ADAP1: variants seen among roughly 807,000 people sequenced by gnomAD.
ADAP1 encodes the protein ArfGAP with dual PH domains 1, also known as arf-GAP with dual PH domain-containing protein 1.
A neutral mutation model predicts 54.9 loss-of-function variants in ADAP1; 31 were observed. The ratio of observed to expected loss-of-function variants is 0.56; its 90% CI spans 0.42 to 0.76. The LOEUF (loss-of-function observed/expected upper bound fraction) is 0.76. ADAP1 is among the 30% of genes least tolerant of loss of function. The pLI is 0.00. For synonymous variants in ADAP1, 313 were observed against 202.6 expected (o/e 1.55, Z -4.63); for missense variants, 535 against 512.4 (o/e 1.04, Z -0.42).
intron 1 of ADAP1, among the ~76,000 whole-genome samples, chr7:939,700 G>A (rs188789445): frequency 0.017 from 2,597 of 151,896 alleles, 92 homozygotes; most frequent in African/African-American, 0.06. Context: ...GCGTGGTGGC[G>A]GGTGCCTGTA....
At position 920,011 on chromosome 7, in the gene ADAP1, T is replaced by C; in HGVS notation, c.345A>G (p.Arg115=). The C allele has an allele frequency of 6.2e-7, 1 of 1,607,556 alleles. No individual in the cohort carries two copies. Among genetic ancestry groups the C allele is most frequent in the Admixed American group, 1.7e-5 (1 of 59,902 alleles). The part of the protein sequence containing the change: ...REQWIRAKYE[R]QEFIYPEKQE... ...GCTTCTCCGGGTAGATGAACTCCTG[T>C]CGCTCGTACTTGGCCCGGATCCACT... The change falls in exon 4 of 11, where the codon CGA becomes CGG. Residue 115 remains arginine, a synonymous_variant. Coordinates refer to ENST00000265846, the MANE Select transcript of ADAP1 (RefSeq NM_006869.4). This position sits in a 1 kb window ranked among gnomAD's most constrained non-coding sequence, Gnocchi z 4.5.
Position 926,360 on chromosome 7 carries a change from G to GCCCCCCA in ADAP1, c.305+192_305+193insTGGGGGG, listed in dbSNP as rs55796148. ...TCCCAGCCCCACCCCAGCGCCCCCC[G>GCCCCCCA]CCCCAGAACCAAAGCCCGGTGGTGG... On this transcript the variant is annotated intron_variant, in intron 3 of 10. Coordinates refer to ENST00000265846, the MANE Select transcript of ADAP1 (RefSeq NM_006869.4). The surrounding 1 kb of genome is among the most constrained non-coding windows in gnomAD (Gnocchi z 4.6). Among the ~76,000 whole-genome samples, 1 of 150,344 alleles carries GCCCCCCA rather than the reference G, an allele frequency of 6.7e-6. No homozygotes were observed. The highest frequency in any genetic ancestry group is 1.5e-5 in the Non-Finnish European group (1 of 67,436).
At chr7:935,086 C>T (rs1846707620) in intron 2 of ADAP1, 11 of 558,156 alleles carry the variant, frequency 2.0e-5, no homozygotes, top group Non-Finnish European at 3.8e-5. Context: ...GGGAGCACTC[C>T]GGAGCTCCCA....
intron 2 of ADAP1, among the ~76,000 whole-genome samples, chr7:928,670 C>A (rs1846467148): frequency 1.3e-5 from 2 of 152,220 alleles, no homozygotes; most frequent in Admixed American, 6.5e-5. Flanking sequence ...TACCACCTCT[C>A]CCCACTAGGA....
chr7:910,000 C>T (rs1845656258), intron 4 of ADAP1, among the ~76,000 whole-genome samples: 1 of 152,210 alleles, frequency 6.6e-6, no homozygotes, highest in Non-Finnish European at 1.5e-5. Flanking sequence ...CTGCCCACCG[C>T]ACGGCTAAGA....
chr7:942,753 G>A (rs1271886900), intron 1 of ADAP1, among the ~76,000 whole-genome samples: 1 of 35,870 alleles, frequency 2.8e-5, no homozygotes, highest in African/African-American at 1.2e-4. Context: ...GAGAGAGGAG[G>A]AGGAAGGGAG....
chr7:917,589 C>T (rs958807562), intron 4 of ADAP1, among the ~76,000 whole-genome samples: 24 of 152,236 alleles, frequency 1.6e-4, no homozygotes, highest in African/African-American at 4.1e-4. Flanking sequence ...ATCAGCCTGC[C>T]GAGGAGCTGG....
At chr7:906,940 A>G (rs1031101954) in intron 4 of ADAP1, among the ~76,000 whole-genome samples, 4 of 152,012 alleles carry the variant, frequency 2.6e-5, no homozygotes, top group Non-Finnish European at 5.9e-5. Flanking sequence ...GCTGTCCTTT[A>G]CTGGCCCCCA....
Position 898,766 on chromosome 7 carries a change from T to TG in ADAP1, c.*154dup, listed in dbSNP as rs931096590. 1 of 968,004 alleles carries TG rather than the reference T, an allele frequency of 1.0e-6. No individual in the cohort carries two copies. The highest frequency in any genetic ancestry group is 1.6e-5 in the African/African-American group (1 of 61,502). The allele number at this position is 968,004 out of a possible 1,614,324, so 60.0% of individuals were successfully genotyped here. On this transcript the variant is annotated 3_prime_UTR_variant, in exon 11 of 11. Coordinates refer to ENST00000265846, the MANE Select transcript of ADAP1 (RefSeq NM_006869.4). Reference sequence around the variant, plus strand: ...GCCTTGAGGTTCCAGAGAAGCATCCTGGAAGCTGAAGCTCGGGCCCTACCT... The same window carrying TG: ...GCCTTGAGGTTCCAGAGAAGCATCCTGGGAAGCTGAAGCTCGGGCCCTACCT...
chr7:899,996 A>G, intron 8 of ADAP1, 106 bp downstream of exon 8: 3 of 1,346,436 alleles, frequency 2.2e-6, no homozygotes, highest in Admixed American at 3.5e-5. Flanking sequence ...CCCACCAGAC[A>G]CCAGTTTAAA....
At chr7:910,559 G>T (rs141725057) in intron 4 of ADAP1, among the ~76,000 whole-genome samples, 313 of 152,324 alleles carry the variant, frequency 2.1e-3, no homozygotes, top group African/African-American at 6.6e-3. Context: ...GAGACTGCTG[G>T]GTCTTGGATT....
intron 4 of ADAP1, among the ~76,000 whole-genome samples, chr7:914,289 C>G (rs1295752045): frequency 6.6e-6 from 1 of 152,238 alleles, no homozygotes; most frequent in East Asian, 1.9e-4. Context: ...CCCGAGCTTC[C>G]CCTTCCTCCC....
chr7:955,227 T>A (rs755725903), upstream of ADAP1: 38 of 1,441,754 alleles, frequency 2.6e-5, no homozygotes, highest in Non-Finnish European at 3.5e-5. Flanking sequence ...TCAGGCAGGC[T>A]GAGGGGCCCC....
intron 3 of ADAP1, chr7:921,003 G>A (rs1846173856): frequency 2.6e-6 from 2 of 783,676 alleles, no homozygotes; most frequent in Non-Finnish European, 2.0e-6. Flanking sequence ...GGTCCCAGCT[G>A]GGTCTCTGGC....
At chr7:908,220 G>A (rs1207813703) in intron 4 of ADAP1, among the ~76,000 whole-genome samples, 5 of 152,170 alleles carry the variant, frequency 3.3e-5, no homozygotes, top group Non-Finnish European at 7.4e-5. Flanking sequence ...GGCTCAGATT[G>A]CAGACACCGC....
In ADAP1 at chr7:898,764, C is replaced by T. The variant is rs1844628442; in HGVS notation, c.*157G>A. ...CTGCCTTGAGGTTCCAGAGAAGCAT[C>T]CTGGAAGCTGAAGCTCGGGCCCTAC... On this transcript the variant is annotated 3_prime_UTR_variant, in exon 11 of 11. Coordinates refer to ENST00000265846, the MANE Select transcript of ADAP1 (RefSeq NM_006869.4). 1.9e-5 allele frequency: 18 copies of T among 943,654 alleles called. No homozygotes were observed. Among genetic ancestry groups the T allele is most frequent in the Non-Finnish European group, 2.6e-5 (16 of 625,286 alleles). The allele number at this position is 943,654 out of a possible 1,614,324, so 58.5% of individuals were successfully genotyped here.
chr7:906,787 G>GGACAGGGGACAT (rs1845467140), intron 4 of ADAP1, among the ~76,000 whole-genome samples: 1 of 28,056 alleles, frequency 3.6e-5, no homozygotes, highest in Non-Finnish European at 6.7e-5. Flanking sequence ...GGGGACACGG[G>GGACAGGGGACAT]GGACGGGACA....
chr7:914,057 G>C (rs1845833261), intron 4 of ADAP1, among the ~76,000 whole-genome samples: 1 of 152,236 alleles, frequency 6.6e-6, no homozygotes, highest in Non-Finnish European at 1.5e-5. Context: ...CCCACACACA[G>C]GACATCTGGG....
chr7:950,763 A>C (rs1205721036), intron 1 of ADAP1, among the ~76,000 whole-genome samples: 1 of 147,886 alleles, frequency 6.8e-6, no homozygotes, highest in Admixed American at 6.8e-5. Flanking sequence ...GGACTGAGGC[A>C]GGAGAATCGT....
Sources: allele counts gnomAD v4.1 joint callset (sites outside exome capture counted in the v4.1 genomes callset), GRCh38; gene constraint gnomAD v4.1.1; non-coding constraint Gnocchi (gnomAD v3.1); transcripts MANE v1.5; gene names NCBI Gene and HGNC (gene_info 2026-07-23, HGNC 2026-07-21).